The following ERP29 variants were observed in gnomAD, a reference collection of about 807,000 sequenced individuals.
ERP29 encodes the protein endoplasmic reticulum protein 29.
A neutral mutation model predicts 21.7 loss-of-function variants in ERP29; 14 were observed. The ratio of observed to expected loss-of-function variants is 0.64; its 90% CI spans 0.43 to 1.01. ERP29 has a LOEUF of 1.01. Among genes scored for constraint, ERP29 ranks in the 50% least tolerant of loss-of-function variants. The pLI, the probability that ERP29 is intolerant of heterozygous loss-of-function variation, is 0.00. For synonymous variants in ERP29, 129 were observed against 139.1 expected, an observed-to-expected ratio of 0.93 and a Z score of 0.51; for missense variants, 286 against 327.3, an observed-to-expected ratio of 0.87 and a Z score of 0.97.
chr12:112,016,648 C>T lies in ERP29; in HGVS notation c.144+3039C>T, dbSNP rs977375163. 9.2e-5 allele frequency among the ~76,000 whole-genome samples: 14 copies of T among 152,104 alleles called. 1 individual carries two copies. Among genetic ancestry groups the T allele is most frequent in the East Asian group, 3.8e-4 (2 of 5,200 alleles). On this transcript the variant is annotated intron_variant, in intron 1 of 2. Transcript: ENST00000261735. ...ATCATTAAGAGATAACAGACCACTT[C>T]GGGAGGCCGAGGCAGGTGGATCACA...
At chr12:112,020,512 T>C (rs1252424641) in intron 2 of ERP29, among the ~76,000 whole-genome samples, 1 of 152,074 alleles carries the variant, frequency 6.6e-6, no homozygotes, top group Non-Finnish European at 1.5e-5. Flanking sequence ...ATTAAAGGAC[T>C]GTGGGTGATA....
intron 1 of ERP29, among the ~76,000 whole-genome samples, chr12:112,014,031 C>T (rs927282894): frequency 2.0e-5 from 3 of 152,226 alleles, no homozygotes; most frequent in African/African-American, 7.2e-5. Flanking sequence ...GAAATGCAGG[C>T]GCGTTAGCCT....
At chr12:112,022,038 C>A in intron 2 of ERP29, 112 bp from the exon 3 acceptor site, 2 of 1,062,582 alleles carry the variant, frequency 1.9e-6, no homozygotes, top group Non-Finnish European at 1.4e-6. Flanking sequence ...CACTTTGAAC[C>A]ATTACACGGC....
intron 1 of ERP29, among the ~76,000 whole-genome samples, chr12:112,017,783 CTTTTTTT>C (rs1179680378): frequency 8.1e-6 from 1 of 124,138 alleles, no homozygotes; most frequent in Non-Finnish European, 1.7e-5. Context: ...CTTTTTTTTT[CTTTTTTT>C]TTTTTTTTTT....
At chr12:112,020,208 G>A (rs943081281) in intron 2 of ERP29, among the ~76,000 whole-genome samples, 1 of 152,148 alleles carries the variant, frequency 6.6e-6, no homozygotes, top group South Asian at 2.1e-4. Flanking sequence ...ACACTGGGCA[G>A]AGGGGGTGCT....
Position 112,022,629 on chromosome 12 carries a change from G to A in ERP29, c.763G>A (p.Gly255Arg). 5 of 1,611,084 alleles carry A rather than the reference G, an allele frequency of 3.1e-6. No homozygotes were observed. The highest frequency in any genetic ancestry group is 4.2e-6 in the Non-Finnish European group (5 of 1,178,360). The change falls in exon 3 of 3, where the codon GGG (glycine) becomes AGG (arginine). Residue 255 changes from glycine to arginine, a missense_variant. Gly to Arg is a moderately radical substitution (Grantham distance 125). Coordinates refer to ENST00000261735, the MANE Select transcript of ERP29 (RefSeq NM_006817.4). ...CATCCTGACTGCCTTCCAGAAGAAGGGGGCCGAGAAAGAGGAGCTGTAAAA... is the reference window on the plus strand; with the variant it reads ...CATCCTGACTGCCTTCCAGAAGAAGAGGGCCGAGAAAGAGGAGCTGTAAAA... Reference protein sequence around the residue: ...LNILTAFQKKGAEKEEL With the variant: ...LNILTAFQKKRAEKEEL
chr12:112,013,946 G>C (rs571942101), intron 1 of ERP29, among the ~76,000 whole-genome samples: 1 of 152,350 alleles, frequency 6.6e-6, no homozygotes, highest in South Asian at 2.1e-4. Context: ...AGTCCCAAGT[G>C]GGAGAACCGG....
At chr12:112,017,756 TAACAAG>T (rs2136777781) in intron 1 of ERP29, among the ~76,000 whole-genome samples, 1 of 151,440 alleles carries the variant, frequency 6.6e-6, no homozygotes, top group Admixed American at 6.6e-5. Context: ...GGACAAAGAC[TAACAAG>T]AACATTGTAT....
intron 1 of ERP29, among the ~76,000 whole-genome samples, chr12:112,016,080 AT>A (rs2078010343): frequency 6.6e-6 from 1 of 152,174 alleles, no homozygotes; most frequent in Admixed American, 6.5e-5. Context: ...TTAAAAATCT[AT>A]TTTGCCATCT....
intron 2 of ERP29, among the ~76,000 whole-genome samples, chr12:112,021,247 T>G (rs1287399924): frequency 6.6e-6 from 1 of 151,974 alleles, no homozygotes; most frequent in Non-Finnish European, 1.5e-5. Context: ...TGAAATTTCC[T>G]GAGCTTAGCC....
chr12:112,017,880 G>A lies in ERP29; in HGVS notation c.145-1876G>A, dbSNP rs1593725768. Among the ~76,000 whole-genome samples the A allele has an allele frequency of 2.0e-5, 3 of 150,550 alleles. No homozygotes were observed. In the South Asian group the frequency reaches 6.3e-4, roughly 31 times the overall value. On this transcript the variant is annotated intron_variant, in intron 1 of 2. Transcript: ENST00000261735. ...GCTCACCGCAACCTCCGCCTCCCAG[G>A]TTCAAGCAATTCTCCTGCCTCAGCC...
At chr12:112,019,671 T>G (rs771250300) in intron 1 of ERP29, 85 bp from the exon 2 acceptor site, 3 of 1,513,898 alleles carry the variant, frequency 2.0e-6, no homozygotes, top group Non-Finnish European at 2.8e-6. Context: ...TTCCACTCTA[T>G]TTCTTAAACA....
Position 112,022,617 on chromosome 12 carries a change from T to G in ERP29, c.751T>G (p.Phe251Val), listed in dbSNP as rs1457450905. 6.2e-7 allele frequency: 1 copy of G among 1,612,152 alleles called. No homozygotes were observed. The highest frequency in any genetic ancestry group is 1.3e-5 in the African/African-American group (1 of 74,784). The change falls in exon 3 of 3, where the codon TTC (phenylalanine) becomes GTC (valine). Residue 251 changes from phenylalanine to valine, a missense_variant. Coordinates refer to ENST00000261735, the MANE Select transcript of ERP29 (RefSeq NM_006817.4). ...LQKSLNILTA[F>V]QKKGAEKEEL ...GAAGAGCTTAAACATCCTGACTGCC[T>G]TCCAGAAGAAGGGGGCCGAGAAAGA... is the stretch of plus-strand genomic sequence containing the variant.
intron 1 of ERP29, 172 bp from the exon 2 acceptor site, chr12:112,019,584 C>CA (rs2078032437): frequency 2.7e-6 from 2 of 737,282 alleles, no homozygotes; most frequent in Admixed American, 4.2e-5. Context: ...TGCTGGCACT[C>CA]ACTAAATTGT....
At position 112,013,494 on chromosome 12, in the gene ERP29, T is replaced by C. The variant is rs553491906; in HGVS notation, c.29T>C (p.Phe10Ser). The stretch of plus-strand genomic sequence containing the variant: ...GCTGCCGCTGTGCCCCGCGCCGCAT[T>C]TCTCTCCCCGCTGCTTCCCCTTCTC... Reference protein sequence around the residue: MAAAVPRAAFLSPLLPLLLG... With the variant: MAAAVPRAASLSPLLPLLLG... Residue 10 changes from phenylalanine to serine, a missense_variant, in exon 1 of 3, where the codon TTT (phenylalanine) becomes TCT (serine). By Grantham distance (155) the Phe-to-Ser change is radical. Transcript: ENST00000261735. 1.6e-4 allele frequency: 262 copies of C among 1,612,562 alleles called. 5 individuals are homozygous for C. The South Asian group carries it at 2.6e-3, about 16-fold the overall frequency.
intron 1 of ERP29, among the ~76,000 whole-genome samples, chr12:112,013,963 G>T (rs1000578344): frequency 1.3e-4 from 20 of 152,258 alleles, no homozygotes; most frequent in African/African-American, 4.8e-4. Flanking sequence ...CCGGAGGGCG[G>T]TGCGAGGTCG....
rs1308060841 is a variant in ERP29 at position 112,022,961 on chromosome 12, A to G, written c.*309A>G. 7.6e-6 allele frequency: 2 copies of G among 263,636 alleles called. No homozygotes were observed. The highest frequency in any genetic ancestry group is 7.2e-6 in the Non-Finnish European group (1 of 139,860). The allele number at this position is 263,636 out of a possible 1,614,324, so 16.3% of individuals were successfully genotyped here. On this transcript the variant is annotated 3_prime_UTR_variant, in exon 3 of 3. Coordinates refer to ENST00000261735, the MANE Select transcript of ERP29 (RefSeq NM_006817.4). ...CTTTGACAGATGTAATTCTCATTCA[A>G]TTAAAGTTTCAGTGTTTTGGTTAAG...
chr12:112,013,570 C>A lies in ERP29; in HGVS notation c.105C>A (p.Thr35=), dbSNP rs759446437. 1.8e-5 allele frequency: 29 copies of A among 1,609,520 alleles called. No individual in the cohort carries two copies. Among genetic ancestry groups the A allele is most frequent in the Non-Finnish European group, 2.4e-5 (28 of 1,178,166 alleles). Reference sequence around the variant, plus strand: ...CGCATGGCGGCAGCGGCCTGCACACCAAGGGCGCCCTTCCCCTGGATACGG... The same window carrying A: ...CGCATGGCGGCAGCGGCCTGCACACAAAGGGCGCCCTTCCCCTGGATACGG... ...SAPHGGSGLH[T]KGALPLDTVT... Residue 35 remains threonine, a synonymous_variant, in exon 1 of 3, where the codon ACC becomes ACA. Coordinates refer to ENST00000261735, the MANE Select transcript of ERP29 (RefSeq NM_006817.4).
intron 1 of ERP29, among the ~76,000 whole-genome samples, chr12:112,016,134 T>C (rs1593724650): frequency 6.6e-6 from 1 of 152,244 alleles, no homozygotes; most frequent in African/African-American, 2.4e-5. Flanking sequence ...AGAAGCTCCT[T>C]GTCTATTTTG....
Sources: gnomAD v4.1 joint callset for allele counts (sites outside exome capture counted in the v4.1 genomes callset) on GRCh38, gnomAD v4.1.1 for gene constraint, MANE v1.5 for transcripts, NCBI Gene and HGNC (gene_info 2026-07-23, HGNC 2026-07-21) for gene names.